The following NT5C1A variants were observed in gnomAD, a reference collection of about 807,000 sequenced individuals.
NT5C1A encodes the protein cytosolic 5'-nucleotidase 1A.
A neutral mutation model predicts 31.0 loss-of-function variants in NT5C1A; 18 were observed. The observed-to-expected ratio is 0.58, with a 90% CI of 0.40 to 0.86. The LOEUF (loss-of-function observed/expected upper bound fraction) is 0.86. Ranked by LOEUF, NT5C1A falls within the 40% of genes least tolerant of loss-of-function variation. NT5C1A has a pLI of 0.00. For synonymous variants in NT5C1A, 185 were observed against 203.6 expected (o/e 0.91, Z 0.78); for missense variants, 470 against 505.4 (o/e 0.93, Z 0.67).
chr1:39,666,114 A>G lies in NT5C1A; in HGVS notation c.258T>C (p.His86=), dbSNP rs200546276. The G allele has an allele frequency of 5.0e-6, 8 of 1,613,594 alleles. No homozygotes were observed. Among genetic ancestry groups the G allele is most frequent in the African/African-American group, 1.3e-5 (1 of 75,022 alleles). ...GCCCGGGACTGAAGGGTTCGTTCTC[A>G]TGTTCCAGCTGGTAGCGCACGTACT... is the stretch of plus-strand genomic sequence containing the variant. ...VEEYVRYQLE[H]ENEPFSPGPA... is the part of the protein sequence containing the mutation. Residue 86 remains histidine, a synonymous_variant, in exon 2 of 6, where the codon CAT becomes CAC. Coordinates refer to ENST00000235628, the MANE Select transcript of NT5C1A (RefSeq NM_032526.3).
rs1646455064 is a variant in NT5C1A at position 39,655,677 on chromosome 1, A to G, written c.*3444T>C. The stretch of plus-strand genomic sequence containing the variant: ...CTAGCTCTATGGCTTTGGACAAGTT[A>G]CTTTGCCTCCCTAAACCAGCATGGC... On this transcript the variant is annotated 3_prime_UTR_variant, in exon 6 of 6. Transcript: ENST00000235628. Among the ~76,000 whole-genome samples the G allele has an allele frequency of 6.6e-6, 1 of 151,980 alleles. No homozygotes were observed. The highest frequency in any genetic ancestry group is 2.4e-5 in the African/African-American group (1 of 41,378).
intron 3 of NT5C1A, among the ~76,000 whole-genome samples, chr1:39,664,641 C>T (rs984080222): frequency 1.4e-4 from 20 of 146,060 alleles, no homozygotes; most frequent in African/African-American, 3.3e-4. Context: ...TACAGGTGTG[C>T]GCCACCACAC....
chr1:39,659,728 T>C (rs552080431), intron 5 of NT5C1A, among the ~76,000 whole-genome samples: 4 of 152,372 alleles, frequency 2.6e-5, no homozygotes, highest in Admixed American at 2.6e-4. Context: ...TGTTGATATG[T>C]ATCATCCATC....
rs1646447950 is a variant in NT5C1A, at chr1:39,654,065, A to C, written c.*5056T>G. Among the ~76,000 whole-genome samples, 1 of 152,244 alleles carries C rather than the reference A, an allele frequency of 6.6e-6. No individual in the cohort carries two copies. The highest frequency in any genetic ancestry group is 1.5e-5 in the Non-Finnish European group (1 of 68,042). ...AGTATCATGATGGCATAGCGACAGCAATGATGGCTGTAGATGGGGCGTCTT... is the reference window on the plus strand; with the variant it reads ...AGTATCATGATGGCATAGCGACAGCCATGATGGCTGTAGATGGGGCGTCTT... On this transcript the variant is annotated 3_prime_UTR_variant, in exon 6 of 6. Transcript: ENST00000235628.
rs1215639534 is a variant in NT5C1A, at chr1:39,655,886, A to T, written c.*3235T>A. 6.6e-6 allele frequency among the ~76,000 whole-genome samples: 1 copy of T among 152,162 alleles called. No individual in the cohort carries two copies. Among genetic ancestry groups the T allele is most frequent in the African/African-American group, 2.4e-5 (1 of 41,434 alleles). On this transcript the variant is annotated 3_prime_UTR_variant, in exon 6 of 6. Transcript: ENST00000235628. ...GGAGGTATTTCAAGTTTTAGTCATC[A>T]GTTTGGCTGTACTGGTGCACACCAA...
At chr1:39,670,822 C>T (rs934737412) in intron 1 of NT5C1A, among the ~76,000 whole-genome samples, 3 of 152,156 alleles carry the variant, frequency 2.0e-5, no homozygotes, top group African/African-American at 4.8e-5. Context: ...GATCAGGATA[C>T]GTGCCACTTC....
In NT5C1A at chr1:39,651,490, C is replaced by T. The variant is rs772314957; in HGVS notation, c.*7631G>A. Among the ~76,000 whole-genome samples, 33 of 152,194 alleles carry T rather than the reference C, an allele frequency of 2.2e-4. No homozygotes were observed. Among genetic ancestry groups the T allele is most frequent in the Non-Finnish European group, 3.5e-4 (24 of 68,010 alleles). On this transcript the variant is annotated 3_prime_UTR_variant, in exon 6 of 6. Coordinates refer to ENST00000235628, the MANE Select transcript of NT5C1A (RefSeq NM_032526.3). Reference sequence around the variant, plus strand: ...TCCCAGACAAGGGAAGTCACAAAGACGAAGAAACACATGCTCTAACCATTT... The same window carrying T: ...TCCCAGACAAGGGAAGTCACAAAGATGAAGAAACACATGCTCTAACCATTT...
At chr1:39,668,232 A>T (rs1363968583) in intron 1 of NT5C1A, among the ~76,000 whole-genome samples, 1 of 152,204 alleles carries the variant, frequency 6.6e-6, no homozygotes, top group Non-Finnish European at 1.5e-5. Context: ...TGCTCCACCC[A>T]CTGGGCTTAC....
Position 39,663,438 on chromosome 1 carries a change from G to A in NT5C1A, c.434-4C>T, listed in dbSNP as rs1646502376. The stretch of plus-strand genomic sequence containing the variant: ...CAGAACCTCTCGATGAACAGGTCTG[G>A]GAAGGAGGTAAAGGACCCAGGTGAG... On this transcript the variant is annotated splice_region_variant and splice_polypyrimidine_tract_variant and intron_variant, in intron 3 of 5. Coordinates refer to ENST00000235628, the MANE Select transcript of NT5C1A (RefSeq NM_032526.3). The A allele has an allele frequency of 6.2e-7, 1 of 1,613,992 alleles. No homozygotes were observed. Among genetic ancestry groups the A allele is most frequent in the Non-Finnish European group, 8.5e-7 (1 of 1,179,956 alleles).
intron 3 of NT5C1A, among the ~76,000 whole-genome samples, chr1:39,664,714 C>T (rs1326720886): frequency 6.6e-6 from 1 of 150,428 alleles, no homozygotes; most frequent in African/African-American, 2.5e-5. Context: ...GTTTTGAACT[C>T]CGGACCTCAA....
At chr1:39,671,786 G>A in intron 1 of NT5C1A, 118 bp downstream of exon 1, 2 of 1,232,748 alleles carry the variant, frequency 1.6e-6, no homozygotes, top group South Asian at 2.7e-5. Flanking sequence ...GCATTCTGGG[G>A]CTGAGGAGCT....
rs1043930188 is a variant in NT5C1A at position 39,652,720 on chromosome 1, A to G, written c.*6401T>C. ...CCTTACAGAGGCTTTCACTTTGCAAAGATGAGTAACTGAAAAGTTCCCAGC... is the reference window on the plus strand; with the variant it reads ...CCTTACAGAGGCTTTCACTTTGCAAGGATGAGTAACTGAAAAGTTCCCAGC... On this transcript the variant is annotated 3_prime_UTR_variant, in exon 6 of 6. Transcript: ENST00000235628. 6.6e-6 allele frequency among the ~76,000 whole-genome samples: 1 copy of G among 152,170 alleles called. No individual in the cohort carries two copies. The highest frequency in any genetic ancestry group is 1.5e-5 in the Non-Finnish European group (1 of 68,028).
At chr1:39,667,094 A>T (rs1646527478) in intron 1 of NT5C1A, among the ~76,000 whole-genome samples, 1 of 152,138 alleles carries the variant, frequency 6.6e-6, no homozygotes, top group Admixed American at 6.5e-5. Flanking sequence ...GGAAATAGAA[A>T]GCCCTTCACA....
At chr1:39,665,490 G>A in intron 3 of NT5C1A, 31 bp downstream of exon 3, 2 of 1,589,110 alleles carry the variant, frequency 1.3e-6, no homozygotes, top group Non-Finnish European at 1.7e-6. Flanking sequence ...GTGTCCCAGG[G>A]CAAACCCCCC....
At chr1:39,665,389 G>T (rs1010514469) in intron 3 of NT5C1A, 132 bp downstream of exon 3, 14 of 793,518 alleles carry the variant, frequency 1.8e-5, no homozygotes, top group Non-Finnish European at 2.5e-5. Flanking sequence ...TTTAAAGAGC[G>T]AATTTACCAG....
intron 4 of NT5C1A, among the ~76,000 whole-genome samples, chr1:39,662,380 C>T (rs115874855): frequency 0.028 from 4,337 of 152,310 alleles, 95 homozygotes; most frequent in Middle Eastern, 0.051. Flanking sequence ...GTGGACCATT[C>T]TCCTGCTCCC....
chr1:39,660,097 A>G (rs1359942009), intron 5 of NT5C1A, among the ~76,000 whole-genome samples: 1 of 152,232 alleles, frequency 6.6e-6, no homozygotes, highest in Non-Finnish European at 1.5e-5. Context: ...GAAATAAACA[A>G]AAGTGGGCTC....
Position 39,671,925 on chromosome 1 carries a change from C to T in NT5C1A, c.114G>A (p.Ala38=). ...EEAKIFYDNL[A]PKKKPKSPKP... ...TTACCGATTTGGGTTTCTTCTTGGG[C>T]GCGAGGTTGTCGTAGAAAATCTTGG... The change falls in exon 1 of 6, where the codon GCG becomes GCA. Residue 38 remains alanine, a synonymous_variant. Transcript: ENST00000235628. 1.9e-6 allele frequency: 3 copies of T among 1,613,528 alleles called. No individual in the cohort carries two copies. Among genetic ancestry groups the T allele is most frequent in the Non-Finnish European group, 1.7e-6 (2 of 1,179,898 alleles).
At chr1:39,663,852 C>T (rs149595843) in intron 3 of NT5C1A, among the ~76,000 whole-genome samples, 4 of 152,290 alleles carry the variant, frequency 2.6e-5, no homozygotes, top group African/African-American at 9.6e-5. Context: ...CTGCTCTGAG[C>T]CCATTAAGTT....
Sources: gnomAD v4.1 joint callset for allele counts (sites outside exome capture counted in the v4.1 genomes callset) on GRCh38, gnomAD v4.1.1 for gene constraint, MANE v1.5 for transcripts, NCBI Gene and HGNC (gene_info 2026-07-23, HGNC 2026-07-21) for gene names.